Variants in POU2F2 observed in about 807,000 individuals in gnomAD.
POU2F2 encodes the protein POU domain, class 2, transcription factor 2.
In POU2F2, 14 loss-of-function variants were observed where a neutral mutation model predicts 63.5. The ratio of observed to expected loss-of-function variants is 0.22; its 90% CI spans 0.15 to 0.34. POU2F2 has a LOEUF of 0.34. POU2F2 is among the 10% of genes least tolerant of loss of function. POU2F2 has a pLI of 1.00. For synonymous variants in POU2F2, 306 were observed against 348.6 expected (o/e 0.88, Z 1.36); for missense variants, 607 against 815.2 (o/e 0.74, Z 3.11).
chr19:42,113,043 G>A (rs1456663702), intron 5 of POU2F2, among the ~76,000 whole-genome samples: 1 of 152,148 alleles, frequency 6.6e-6, no homozygotes, highest in Non-Finnish European at 1.5e-5. Context: ...GATTCCCTCA[G>A]ACACACATCA....
intron 7 of POU2F2, among the ~76,000 whole-genome samples, chr19:42,098,919 G>A (rs1354688799): frequency 6.6e-6 from 1 of 152,240 alleles, no homozygotes; most frequent in East Asian, 1.9e-4. Context: ...AGGGGCCTCT[G>A]CTCCTGCCAG....
At position 42,092,044 on chromosome 19, in the gene POU2F2, C is replaced by A. The variant is rs1329368463; in HGVS notation, c.1466+25G>T. ...GCAGCAGCGACCCTGCTTCTCCCCA[C>A]AGCTTCCCACGTGCACCCACTTACC... On this transcript the variant is annotated intron_variant, in intron 13 of 14. Coordinates refer to ENST00000692977, the MANE Select transcript of POU2F2 (RefSeq NM_001394376.1). The surrounding 1 kb of genome is among the most constrained non-coding windows in gnomAD (Gnocchi z 5.0). 1.3e-6 allele frequency: 2 copies of A among 1,584,782 alleles called. No individual in the cohort carries two copies. Among genetic ancestry groups the A allele is most frequent in the Non-Finnish European group, 1.7e-6 (2 of 1,166,754 alleles).
Position 42,086,761 on chromosome 19 carries a change from T to TG in POU2F2, c.*4495dup, listed in dbSNP as rs2076560348. ...TAAATAAATACTGAGCCCCTGGGTT[T>TG]GGGGGACATATTGGGGGAGGGGCAG... On this transcript the variant is annotated 3_prime_UTR_variant, in exon 15 of 15. Coordinates refer to ENST00000692977, the MANE Select transcript of POU2F2 (RefSeq NM_001394376.1). The TG allele has an allele frequency of 6.6e-6, 1 of 151,940 alleles. No individual in the cohort carries two copies. The highest frequency in any genetic ancestry group is 2.4e-5 in the African/African-American group (1 of 41,398). The allele number at this position is 151,940 out of a possible 1,614,324, so 9.4% of individuals were successfully genotyped here.
rs1162355934 is a variant in POU2F2 at position 42,089,195 on chromosome 19, G to T, written c.*2062C>A. 1 of 152,450 alleles carries T rather than the reference G, an allele frequency of 6.6e-6. No individual in the cohort carries two copies. Among genetic ancestry groups the T allele is most frequent in the Non-Finnish European group, 1.5e-5 (1 of 68,034 alleles). The allele number at this position is 152,450 out of a possible 1,614,324, so 9.4% of individuals were successfully genotyped here. ...TTGAGGAGAGACACAGAAAGAACAA[G>T]ATTGAGAGAGAAGAGAGGAGAGCAA... On this transcript the variant is annotated 3_prime_UTR_variant, in exon 15 of 15. Transcript: ENST00000692977.
At chr19:42,143,724 C>T (rs1039160950) in intron 2 of POU2F2, among the ~76,000 whole-genome samples, 3 of 152,154 alleles carry the variant, frequency 2.0e-5, no homozygotes, top group African/African-American at 7.2e-5. Context: ...AATCCACGCC[C>T]GCGCTTCTTC....
At chr19:42,137,490 G>T (rs1021182029) in intron 2 of POU2F2, among the ~76,000 whole-genome samples, 3 of 152,178 alleles carry the variant, frequency 2.0e-5, no homozygotes, top group Non-Finnish European at 4.4e-5. Flanking sequence ...GAGAGGCTGA[G>T]GTGGGAGAGT....
chr19:42,106,811 G>A (rs944147677), intron 5 of POU2F2, among the ~76,000 whole-genome samples: 24 of 150,406 alleles, frequency 1.6e-4, no homozygotes, highest in East Asian at 2.0e-4. Flanking sequence ...AGGAAGAGGA[G>A]GAGGAGGAGA....
At chr19:42,185,200 G>T (rs537679527) in intron 1 of POU2F2, among the ~76,000 whole-genome samples, 1 of 152,014 alleles carries the variant, frequency 6.6e-6, no homozygotes. Context: ...GAGTTCAACC[G>T]AGTATTTCTC....
At chr19:42,132,240 C>T (rs1001866750) in intron 1 of POU2F2, 144 bp downstream of exon 1, 8 of 897,044 alleles carry the variant, frequency 8.9e-6, no homozygotes, top group African/African-American at 5.4e-5. Context: ...AGCGGGGACC[C>T]GGCATGGGAG....
rs111246490 is a variant in POU2F2 at position 42,163,758 on chromosome 19, G to A, written c.-69-3366C>T. The stretch of plus-strand genomic sequence containing the variant: ...CCTCAATGTCTTCATTTGTAAACTG[G>A]GGATAATTATAATAGGGGAAATCAA... On this transcript the variant is annotated intron_variant, in intron 1 of 6. Transcript: ENST00000524801. 6.1e-3 allele frequency among the ~76,000 whole-genome samples: 924 copies of A among 152,258 alleles called. 4 individuals are homozygous for A. The highest frequency in any genetic ancestry group is 0.01 in the Non-Finnish European group (704 of 68,018).
intron 7 of POU2F2, among the ~76,000 whole-genome samples, chr19:42,098,191 T>G (rs975650462): frequency 1.1e-4 from 16 of 152,074 alleles, no homozygotes; most frequent in Non-Finnish European, 2.2e-4. Flanking sequence ...GGCAGGTGGA[T>G]CACCTGAAGT....
At chr19:42,195,600 A>G (rs370575986) in intron 1 of POU2F2, among the ~76,000 whole-genome samples, 1 of 151,502 alleles carries the variant, frequency 6.6e-6, no homozygotes. Flanking sequence ...TCAAAGTGCT[A>G]GGATTACAGG....
chr19:42,185,496 C>G (rs2035003192), intron 1 of POU2F2, among the ~76,000 whole-genome samples: 1 of 152,158 alleles, frequency 6.6e-6, no homozygotes, highest in Non-Finnish European at 1.5e-5. Context: ...CCTCCCTCTA[C>G]AGGGAGCACC....
In POU2F2 at chr19:42,152,527, C is replaced by G. The variant is rs1378909394; in HGVS notation, c.-9+7805G>C. On this transcript the variant is annotated intron_variant, in intron 2 of 6. Coordinates refer to the POU2F2 transcript ENST00000524801. The surrounding 1 kb of genome is among the most constrained non-coding windows in gnomAD (Gnocchi z 4.1). Reference sequence around the variant, plus strand: ...GGATATAAAGCCGGCTGGCTGGCTGCCTGCCTCTGCCTCTCTCTCTCTCCC... The same window carrying G: ...GGATATAAAGCCGGCTGGCTGGCTGGCTGCCTCTGCCTCTCTCTCTCTCCC... The G allele has an allele frequency of 2.0e-5, 3 of 152,588 alleles. No homozygotes were observed. The highest frequency in any genetic ancestry group is 4.4e-5 in the Non-Finnish European group (3 of 68,394). 9.5% of individuals were successfully genotyped at this position (152,588 alleles called of 1,614,324 possible). A position where few individuals can be genotyped will look rare whatever the true frequency, so the allele number is the denominator to read the frequency against.
At chr19:42,113,499 G>C (rs1304280771) in intron 5 of POU2F2, among the ~76,000 whole-genome samples, 1 of 152,234 alleles carries the variant, frequency 6.6e-6, no homozygotes, top group Admixed American at 6.5e-5. Flanking sequence ...TACTTTGGAA[G>C]CTGACATCAG....
At chr19:42,114,613 C>T (rs2031608250) in intron 5 of POU2F2, among the ~76,000 whole-genome samples, 1 of 152,160 alleles carries the variant, frequency 6.6e-6, no homozygotes, top group African/African-American at 2.4e-5. Flanking sequence ...AACCATGTTC[C>T]GTGAAGGACA....
intron 5 of POU2F2, among the ~76,000 whole-genome samples, chr19:42,107,790 G>T (rs561953433): frequency 2.6e-5 from 4 of 152,206 alleles, no homozygotes; most frequent in African/African-American, 9.6e-5. Context: ...AAGCCATAAG[G>T]CCTCTACTGA....
chr19:42,100,382 C>A (rs1322769154), intron 5 of POU2F2, among the ~76,000 whole-genome samples: 1 of 151,920 alleles, frequency 6.6e-6, no homozygotes, highest in Non-Finnish European at 1.5e-5. Flanking sequence ...AGTCACCGAA[C>A]CCGGCTACCC....
intron 5 of POU2F2, among the ~76,000 whole-genome samples, chr19:42,101,261 A>C (rs1599983060): frequency 2.0e-5 from 3 of 147,182 alleles, no homozygotes; most frequent in African/African-American, 2.5e-5. Context: ...GTCTCCCCCC[A>C]CTCCCTGCCA....
Sources: allele counts gnomAD v4.1 joint callset (sites outside exome capture counted in the v4.1 genomes callset), GRCh38; gene constraint gnomAD v4.1.1; non-coding constraint Gnocchi (gnomAD v3.1); transcripts MANE v1.5; gene names NCBI Gene and HGNC (gene_info 2026-07-23, HGNC 2026-07-21).